Variants in CEMIP2 observed in about 807,000 individuals in gnomAD.
The protein encoded by CEMIP2 is cell surface hyaluronidase CEMIP2.
A neutral mutation model predicts 146.9 loss-of-function variants in CEMIP2; 79 were observed. That is an observed-to-expected ratio of 0.54 (90% CI 0.45 to 0.65). The LOEUF (loss-of-function observed/expected upper bound fraction) is 0.65. Among genes scored for constraint, CEMIP2 ranks in the 30% least tolerant of loss-of-function variants. The probability of loss-of-function intolerance (pLI) is 0.00; values close to 1 mark genes in which losing one functional copy is unlikely to be tolerated. For synonymous variants in CEMIP2, 601 were observed against 606.3 expected, an observed-to-expected ratio of 0.99 and a Z score of 0.13; for missense variants, 1,596 against 1,696.2, an observed-to-expected ratio of 0.94 and a Z score of 1.04.
intron 1 of CEMIP2, among the ~76,000 whole-genome samples, chr9:71,751,592 A>G (rs1168502774): frequency 6.6e-6 from 1 of 152,208 alleles, no homozygotes; most frequent in Non-Finnish European, 1.5e-5. Flanking sequence ...GAAGCTTGCT[A>G]AAAACCTAGA....
chr9:71,692,199 A>T (rs1443877389), intron 21 of CEMIP2, among the ~76,000 whole-genome samples: 1 of 151,520 alleles, frequency 6.6e-6, no homozygotes, highest in Admixed American at 6.6e-5. Flanking sequence ...TGTAAAAAGC[A>T]TTGGGGATAA....
At chr9:71,762,226 A>T (rs1336054416) in intron 1 of CEMIP2, among the ~76,000 whole-genome samples, 1 of 152,064 alleles carries the variant, frequency 6.6e-6, no homozygotes, top group Non-Finnish European at 1.5e-5. Context: ...GTTCCTCAAG[A>T]CTCAAGGGTG....
rs1823007217 is a variant in CEMIP2, at chr9:71,715,044, A to C, written c.2481T>G (p.Ser827=). Residue 827 remains serine, a synonymous_variant, in exon 15 of 24, where the codon TCT becomes TCG. Transcript: ENST00000377044. ...TGCTCTCCCCAACAAAGAGAGATTC[A>C]GATACCTCTTGGCTGGAACCTTCAT... ...PSDEGSSQEV[S]ESLFVGESRN... is the part of the protein sequence containing the mutation. 4 of 1,613,896 alleles carry C rather than the reference A, an allele frequency of 2.5e-6. No homozygotes were observed. The highest frequency in any genetic ancestry group is 3.4e-6 in the Non-Finnish European group (4 of 1,179,962).
chr9:71,734,127 C>T (rs1172877107), intron 6 of CEMIP2, among the ~76,000 whole-genome samples: 1 of 152,084 alleles, frequency 6.6e-6, no homozygotes, highest in African/African-American at 2.4e-5. Flanking sequence ...GGATTATAGG[C>T]GGGAGCCACT....
intron 1 of CEMIP2, among the ~76,000 whole-genome samples, chr9:71,755,413 G>A (rs2132030783): frequency 6.7e-6 from 1 of 150,296 alleles, no homozygotes; most frequent in Non-Finnish European, 1.5e-5. Context: ...GTGGTTCCAT[G>A]CCTGTAGCCC....
intron 6 of CEMIP2, among the ~76,000 whole-genome samples, chr9:71,733,305 A>C (rs1379266977): frequency 6.6e-6 from 1 of 152,204 alleles, no homozygotes; most frequent in Non-Finnish European, 1.5e-5. Flanking sequence ...TGATCTTATT[A>C]CATAAACTCA....
In CEMIP2 at chr9:71,734,809, T is replaced by G; in HGVS notation, c.1390A>C (p.Lys464Gln). 3 of 1,605,320 alleles carry G rather than the reference T, an allele frequency of 1.9e-6. No individual in the cohort carries two copies. The highest frequency in any genetic ancestry group is 2.6e-6 in the Non-Finnish European group (3 of 1,174,962). ...AGTACTCTAAGCAGTTTAATACCTT[T>G]GACTTTGACCTGAAAATGGCTGCAT... ...SECSHFQVKV[K>Q]ETPQFLHMGE... is the part of the protein sequence containing the mutation. The change falls in exon 6 of 24, where the codon AAA (lysine) becomes CAA (glutamine). Residue 464 changes from lysine to glutamine, a missense_variant. Transcript: ENST00000377044.
Position 71,690,417 on chromosome 9 carries a change from C to T in CEMIP2, c.3697-171G>A, listed in dbSNP as rs187159215. 5.3e-5 allele frequency among the ~76,000 whole-genome samples: 8 copies of T among 152,336 alleles called. No individual in the cohort carries two copies. The East Asian group carries it at 1.5e-3, about 29-fold the overall frequency. On this transcript the variant is annotated intron_variant, in intron 21 of 23. Transcript: ENST00000377044. ...TTTTCCTCACCATCTGAAATTGCGT[C>T]TGTGTTCCTAGGCACTGCCTATAGA...
At chr9:71,737,752 C>G (rs1823802296) in intron 5 of CEMIP2, among the ~76,000 whole-genome samples, 1 of 152,126 alleles carries the variant, frequency 6.6e-6, no homozygotes, top group African/African-American at 2.4e-5. Flanking sequence ...GCTTTTCTAT[C>G]TCTATAAAGC....
chr9:71,741,941 C>T (rs745442937), intron 4 of CEMIP2, among the ~76,000 whole-genome samples: 3 of 152,038 alleles, frequency 2.0e-5, no homozygotes, highest in Non-Finnish European at 2.9e-5. Context: ...CCACCACACC[C>T]GGCCTAAAAA....
chr9:71,697,848 A>G (rs376475213), intron 20 of CEMIP2, 137 bp downstream of exon 20: 214 of 854,490 alleles, frequency 2.5e-4, no homozygotes, highest in South Asian at 2.4e-3. Context: ...ACATTTTAGC[A>G]TGGGCCAAAA....
chr9:71,697,645 ATCACT>A (rs1009796458), intron 20 of CEMIP2, among the ~76,000 whole-genome samples: 7 of 152,236 alleles, frequency 4.6e-5, no homozygotes, highest in Non-Finnish European at 1.0e-4. Context: ...TCTTTTTTAC[ATCACT>A]GGCATGTAAA....
At chr9:71,688,670 G>A (rs964091700) in intron 22 of CEMIP2, among the ~76,000 whole-genome samples, 3 of 152,152 alleles carry the variant, frequency 2.0e-5, no homozygotes, top group Non-Finnish European at 4.4e-5. Flanking sequence ...TTACAGGTGT[G>A]AGCCACCGTG....
chr9:71,703,941 T>A (rs965422882), intron 18 of CEMIP2, among the ~76,000 whole-genome samples: 1 of 152,228 alleles, frequency 6.6e-6, no homozygotes, highest in Non-Finnish European at 1.5e-5. Flanking sequence ...GGTTTATCTA[T>A]CTACTTGAGT....
chr9:71,764,276 T>C (rs1025157578), intron 1 of CEMIP2, among the ~76,000 whole-genome samples: 2 of 152,168 alleles, frequency 1.3e-5, no homozygotes, highest in African/African-American at 4.8e-5. Context: ...GTGTAAGTAG[T>C]AGGCAATGAA....
intron 6 of CEMIP2, among the ~76,000 whole-genome samples, chr9:71,734,217 TTTG>T: frequency 4.0e-5 from 6 of 150,870 alleles, no homozygotes; most frequent in African/African-American, 1.5e-4. Context: ...TGTTTTTGTT[TTTG>T]TTTTTGGTAA....
intron 1 of CEMIP2, among the ~76,000 whole-genome samples, chr9:71,766,132 G>A (rs1824784730): frequency 1.3e-5 from 2 of 150,002 alleles, no homozygotes; most frequent in Admixed American, 6.6e-5. Context: ...GTAGTGGCAC[G>A]ATCTCGGCTC....
rs144259733 is a variant in CEMIP2 at position 71,745,188 on chromosome 9, A to T, written c.864T>A (p.His288Gln). ...GCCGCCTGCTCTCATTGCGGTATTCATGGGTATCAAATCTCTCACTTTCCA... is the reference window on the plus strand; with the variant it reads ...GCCGCCTGCTCTCATTGCGGTATTCTTGGGTATCAAATCTCTCACTTTCCA... The part of the protein sequence containing the change: ...KILESERFDT[H>Q]EYRNESRRLQ... Residue 288 changes from histidine to glutamine, a missense_variant, in exon 4 of 24, where the codon CAT (histidine) becomes CAA (glutamine). Coordinates refer to ENST00000377044, the MANE Select transcript of CEMIP2 (RefSeq NM_013390.3). 1 of 1,614,116 alleles carries T rather than the reference A, an allele frequency of 6.2e-7. No individual in the cohort carries two copies. The highest frequency in any genetic ancestry group is 1.1e-5 in the South Asian group (1 of 91,080).
At chr9:71,765,889 C>T (rs1248683986) in intron 1 of CEMIP2, among the ~76,000 whole-genome samples, 4 of 152,078 alleles carry the variant, frequency 2.6e-5, no homozygotes, top group South Asian at 4.1e-4. Context: ...GCAATTGCTT[C>T]CAGAGGGTCT....
Sources: allele counts gnomAD v4.1 joint callset (sites outside exome capture counted in the v4.1 genomes callset), GRCh38; gene constraint gnomAD v4.1.1; transcripts MANE v1.5; gene names NCBI Gene and HGNC (gene_info 2026-07-23, HGNC 2026-07-21).